Variants in CEP63 observed in about 807,000 individuals in gnomAD.
CEP63 encodes the protein centrosomal protein 63.
In CEP63, 84 loss-of-function variants were observed where a neutral mutation model predicts 89.1. The ratio of observed to expected loss-of-function variants is 0.94; its 90% CI spans 0.79 to 1.13. CEP63 has a LOEUF of 1.13. Ranked by LOEUF, CEP63 falls within the 50% of genes most tolerant of loss-of-function variation. The pLI, the probability that CEP63 is intolerant of heterozygous loss-of-function variation, is 0.00. For synonymous variants in CEP63, 267 were observed against 272.5 expected, an observed-to-expected ratio of 0.98 and a Z score of 0.20; for missense variants, 838 against 813.3, an observed-to-expected ratio of 1.03 and a Z score of -0.37.
chr3:134,768,497 G>A, the CEP63 span, among the ~76,000 whole-genome samples: 61 of 152,268 alleles, frequency 4.0e-4, 4 homozygotes, highest in South Asian at 0.012. Context: ...GATGCCAGAA[G>A]CACTGAGAAC....
the CEP63 span, among the ~76,000 whole-genome samples, chr3:134,623,108 T>C: frequency 1.3e-5 from 2 of 152,226 alleles, no homozygotes; most frequent in African/African-American, 2.4e-5. Context: ...CAGCCTGGAG[T>C]CCTGACTTAG....
the CEP63 span, among the ~76,000 whole-genome samples, chr3:134,694,202 C>T: frequency 6.6e-6 from 1 of 152,208 alleles, no homozygotes; most frequent in Non-Finnish European, 1.5e-5. Flanking sequence ...CTAATGACAA[C>T]CCTGCAGACA....
At chr3:134,696,797 A>G in the CEP63 span, among the ~76,000 whole-genome samples, 1 of 152,180 alleles carries the variant, frequency 6.6e-6, no homozygotes, top group East Asian at 1.9e-4. Context: ...GTGTTTTATG[A>G]TTATACAATA....
intron 10 of CEP63, among the ~76,000 whole-genome samples, chr3:134,587,241 G>A (rs1367346857): frequency 5.3e-5 from 8 of 152,058 alleles, no homozygotes; most frequent in Non-Finnish European, 8.8e-5. Flanking sequence ...CGTTGCTGGC[G>A]AGGAGCTCTG....
At chr3:134,683,364 C>A in the CEP63 span, among the ~76,000 whole-genome samples, 3 of 152,164 alleles carry the variant, frequency 2.0e-5, no homozygotes, top group African/African-American at 7.2e-5. Context: ...TGGAAGGGAC[C>A]TAGGAGATTG....
chr3:134,579,915 A>G (rs1240522573), downstream of CEP63, among the ~76,000 whole-genome samples: 1 of 152,162 alleles, frequency 6.6e-6, no homozygotes, highest in African/African-American at 2.4e-5. Flanking sequence ...AAAACACACT[A>G]AGGGCTGGGC....
chr3:134,576,029 A>T (rs1174582540), downstream of CEP63, among the ~76,000 whole-genome samples: 1 of 152,228 alleles, frequency 6.6e-6, no homozygotes. Flanking sequence ...GAGAAATGCA[A>T]TGACTTTTAC....
downstream of CEP63, among the ~76,000 whole-genome samples, chr3:134,589,592 A>AAAAT: frequency 6.6e-6 from 1 of 151,840 alleles, no homozygotes; most frequent in Admixed American, 6.6e-5. Flanking sequence ...AAAATGTCAA[A>AAAAT]AAAAAAACAT....
At chr3:134,659,858 C>T in the CEP63 span, among the ~76,000 whole-genome samples, 556 of 152,306 alleles carry the variant, frequency 3.7e-3, 6 homozygotes, top group African/African-American at 0.011. Flanking sequence ...GCCCAGTGGC[C>T]TGGATCCCAG....
intron 5 of CEP63, 30 bp downstream of exon 5, chr3:134,532,930 T>A: frequency 1.2e-6 from 2 of 1,611,276 alleles, no homozygotes; most frequent in South Asian, 2.2e-5. Flanking sequence ...TTGTTCATAG[T>A]GATTGTCAGC....
intron 3 of CEP63, chr3:134,510,654 T>C: frequency 1.6e-6 from 1 of 644,168 alleles, no homozygotes; most frequent in Non-Finnish European, 2.9e-6. Flanking sequence ...TCACTCTCCC[T>C]TCTTGCATTT....
the CEP63 span, among the ~76,000 whole-genome samples, chr3:134,646,940 C>T: frequency 6.6e-6 from 1 of 152,248 alleles, no homozygotes; most frequent in South Asian, 2.1e-4. Context: ...GTGGCAGATG[C>T]CTGGCACTGG....
chr3:134,695,603 A>G, the CEP63 span, among the ~76,000 whole-genome samples: 3 of 152,188 alleles, frequency 2.0e-5, no homozygotes, highest in African/African-American at 7.2e-5. Context: ...GCAGAGGCAC[A>G]GCAGTAAGGT....
rs900350338 is a variant in CEP63, at chr3:134,563,292, AC to A, written c.*1760del. On this transcript the variant is annotated 3_prime_UTR_variant, in exon 15 of 15. Transcript: ENST00000675561. ...ACCTGATCCAGACTACTTCTCTCTC[AC>A]CCTGATTCTGGCAGTAGCCTCCTAA... 1 of 151,928 alleles carries A rather than the reference AC, an allele frequency of 6.6e-6. No individual in the cohort carries two copies. The highest frequency in any genetic ancestry group is 2.4e-5 in the African/African-American group (1 of 41,266). The allele number at this position is 151,928 out of a possible 1,614,324, so 9.4% of individuals were successfully genotyped here.
chr3:134,665,016 C>T, the CEP63 span, among the ~76,000 whole-genome samples: 15 of 152,176 alleles, frequency 9.9e-5, no homozygotes, highest in African/African-American at 3.1e-4. Flanking sequence ...AGCAGACACT[C>T]GCATGCTCTG....
the CEP63 span, among the ~76,000 whole-genome samples, chr3:134,738,015 G>A: frequency 6.6e-6 from 1 of 152,178 alleles, no homozygotes; most frequent in Non-Finnish European, 1.5e-5. Flanking sequence ...GTTTAAATGA[G>A]AGCAAGAATG....
chr3:134,760,306 G>C, the CEP63 span, among the ~76,000 whole-genome samples: 1 of 152,064 alleles, frequency 6.6e-6, no homozygotes, highest in Non-Finnish European at 1.5e-5. Flanking sequence ...TGATCCGCCC[G>C]CCTCGGCCTC....
At chr3:134,518,339 A>T (rs1559922299) in intron 3 of CEP63, among the ~76,000 whole-genome samples, 1 of 152,196 alleles carries the variant, frequency 6.6e-6, no homozygotes, top group Non-Finnish European at 1.5e-5. Flanking sequence ...AGAACATTGT[A>T]CCTAGTAACT....
chr3:134,630,463 A>G, the CEP63 span, among the ~76,000 whole-genome samples: 1 of 152,210 alleles, frequency 6.6e-6, no homozygotes, highest in African/African-American at 2.4e-5. Flanking sequence ...TGGGGCCTAT[A>G]TGGCAGAGTG....
Sources: gnomAD v4.1 joint callset for allele counts (sites outside exome capture counted in the v4.1 genomes callset) on GRCh38, gnomAD v4.1.1 for gene constraint, MANE v1.5 for transcripts, NCBI Gene and HGNC (gene_info 2026-07-23, HGNC 2026-07-21) for gene names.